The following MAP1B variants were observed in gnomAD, a reference collection of about 807,000 sequenced individuals.
The protein encoded by MAP1B is microtubule-associated protein 1B.
In MAP1B, 12 loss-of-function variants were observed where a neutral mutation model predicts 176.1. That is an observed-to-expected ratio of 0.07 (90% CI 0.04 to 0.11). The LOEUF (loss-of-function observed/expected upper bound fraction) is 0.11. MAP1B is among the 10% of genes least tolerant of loss of function. The pLI is 1.00. For synonymous variants in MAP1B, 1,044 were observed against 1,135.0 expected, an observed-to-expected ratio of 0.92 and a Z score of 1.61; for missense variants, 2,523 against 2,990.5, an observed-to-expected ratio of 0.84 and a Z score of 3.65.
At chr5:72,193,819 T>TA (rs1747082395) in intron 4 of MAP1B, 47 bp from the exon 5 acceptor site, 1 of 1,524,760 alleles carries the variant, frequency 6.6e-7, no homozygotes, top group African/African-American at 1.4e-5. Context: ...TCAGTGATGA[T>TA]AATCACTTAC....
rs1043368348 is a variant in MAP1B, at chr5:72,193,671, A to G, written c.511-195A>G. Among the ~76,000 whole-genome samples the G allele has an allele frequency of 3.3e-5, 5 of 152,266 alleles. No individual in the cohort carries two copies. The South Asian group carries it at 1.0e-3, about 32-fold the overall frequency. ...GAAGCCAGTAGCAGCGGGGCTCAGG[A>G]CAAAGGCTGTTCACCTTCCAGTAGG... On this transcript the variant is annotated intron_variant, in intron 4 of 6. Coordinates refer to ENST00000296755, the MANE Select transcript of MAP1B (RefSeq NM_005909.5).
chr5:72,195,893 A>G lies in MAP1B; in HGVS notation c.2538A>G (p.Glu846=). 1 of 1,614,228 alleles carries G rather than the reference A, an allele frequency of 6.2e-7. No homozygotes were observed. Among genetic ancestry groups the G allele is most frequent in the Non-Finnish European group, 8.5e-7 (1 of 1,180,038 alleles). The change falls in exon 5 of 7, where the codon GAA becomes GAG. Residue 846 remains glutamate (E), a synonymous_variant. Transcript: ENST00000296755. ...AGGACTTTGAAGAGTTAAAGGCTGA[A>G]GAGGTCGATGTAACAAAGGACATCA... ...LTKDFEELKA[E]EVDVTKDIKP...
intron 2 of MAP1B, among the ~76,000 whole-genome samples, chr5:72,165,724 A>G (rs1057480729): frequency 6.6e-6 from 1 of 152,220 alleles, no homozygotes; most frequent in Non-Finnish European, 1.5e-5. Flanking sequence ...CCATATAACC[A>G]TAAACATATT....
rs1311665088 is a variant in MAP1B, at chr5:72,138,611, A to G, written c.286+22812A>G. On this transcript the variant is annotated intron_variant, in intron 2 of 6. Transcript: ENST00000296755. ...TATTTCTCTATGTGAAAAACTGGAA[A>G]AAAACCTGAAGTTCTCAACAATAGG... 3.3e-5 allele frequency among the ~76,000 whole-genome samples: 5 copies of G among 152,348 alleles called. No homozygotes were observed. In the East Asian group the frequency reaches 9.6e-4, roughly 29 times the overall value.
Position 72,143,648 on chromosome 5 carries a change from A to G in MAP1B, c.286+27849A>G, listed in dbSNP as rs56004916. 8.7e-4 allele frequency among the ~76,000 whole-genome samples: 132 copies of G among 152,318 alleles called. 1 individual carries two copies. Among genetic ancestry groups the G allele is most frequent in the Middle Eastern group, 6.8e-3 (2 of 292 alleles). The stretch of plus-strand genomic sequence containing the variant: ...TCTATGTTAGTTCCCCAGGGCTGCC[A>G]TAACAAAGTATCATCAACTGGGTGG... On this transcript the variant is annotated intron_variant, in intron 2 of 6. Transcript: ENST00000296755.
At position 72,195,470 on chromosome 5, in the gene MAP1B, G is replaced by A. The variant is rs766902322; in HGVS notation, c.2115G>A (p.Pro705=). The change falls in exon 5 of 7, where the codon CCG becomes CCA. Residue 705 remains proline, a synonymous_variant. Transcript: ENST00000296755. ...EPKKEVKKET[P]PKEVKKEVKK... ...AGAAAGAGGTTAAGAAAGAAACACC[G>A]CCAAAGGAAGTCAAGAAGGAAGTTA... 3.9e-5 allele frequency: 62 copies of A among 1,586,846 alleles called. No homozygotes were observed. Among genetic ancestry groups the A allele is most frequent in the Admixed American group, 7.5e-5 (4 of 53,282 alleles).
At chr5:72,136,134 G>A (rs1161889955) in intron 2 of MAP1B, among the ~76,000 whole-genome samples, 2 of 152,144 alleles carry the variant, frequency 1.3e-5, no homozygotes, top group African/African-American at 4.8e-5. Context: ...GAGCACCTAG[G>A]TACTAAGTAA....
intron 2 of MAP1B, among the ~76,000 whole-genome samples, chr5:72,145,021 C>T (rs1746019613): frequency 6.6e-6 from 1 of 152,194 alleles, no homozygotes; most frequent in Admixed American, 6.5e-5. Context: ...GAATTATACT[C>T]TGTTTTGGTG....
intron 2 of MAP1B, among the ~76,000 whole-genome samples, chr5:72,140,452 A>G (rs952181747): frequency 1.3e-5 from 2 of 152,222 alleles, no homozygotes; most frequent in Non-Finnish European, 2.9e-5. Context: ...TGCTACAGTA[A>G]AGTATTGCAG....
At chr5:72,107,783 G>C in intron 1 of MAP1B, 68 bp downstream of exon 1, 1 of 1,531,120 alleles carries the variant, frequency 6.5e-7, no homozygotes, top group African/African-American at 1.4e-5. Context: ...CCCAGGGCGC[G>C]ACGGTCACTG....
Position 72,195,568 on chromosome 5 carries a change from A to G in MAP1B, c.2213A>G (p.Asp738Gly). The G allele has an allele frequency of 2.5e-6, 4 of 1,612,480 alleles. No homozygotes were observed. The highest frequency in any genetic ancestry group is 3.4e-6 in the Non-Finnish European group (4 of 1,179,656). The change falls in exon 5 of 7, where the codon GAC (aspartate) becomes GGC (glycine). Residue 738 changes from aspartate to glycine, a missense_variant. Coordinates refer to ENST00000296755, the MANE Select transcript of MAP1B (RefSeq NM_005909.5). The stretch of plus-strand genomic sequence containing the variant: ...AAAGAAATTAAGAAGCTCCCTAAAG[A>G]CGCAAAGAAATCATCTACTCCTCTG... ...PKKEIKKLPK[D>G]AKKSSTPLSE...
At chr5:72,117,801 G>A (rs1466344) in intron 2 of MAP1B, among the ~76,000 whole-genome samples, 20,020 of 152,170 alleles carry the variant, frequency 0.13, 1,433 homozygotes, top group East Asian at 0.32. Flanking sequence ...CTATGAGTAC[G>A]CTTTACAGGC....
intron 1 of MAP1B, among the ~76,000 whole-genome samples, chr5:72,110,453 G>A (rs918767913): frequency 6.6e-6 from 1 of 152,190 alleles, no homozygotes; most frequent in Non-Finnish European, 1.5e-5. Flanking sequence ...AGCGCTAAGT[G>A]AAAATCCTGC....
At chr5:72,128,267 C>T (rs1429999623) in intron 2 of MAP1B, among the ~76,000 whole-genome samples, 4 of 152,132 alleles carry the variant, frequency 2.6e-5, no homozygotes, top group Non-Finnish European at 5.9e-5. Flanking sequence ...GATTTCTTAT[C>T]ACTGAATCAT....
At chr5:72,141,166 G>A (rs1486914310) in intron 2 of MAP1B, among the ~76,000 whole-genome samples, 1 of 152,062 alleles carries the variant, frequency 6.6e-6, no homozygotes, top group Non-Finnish European at 1.5e-5. Flanking sequence ...ACATGTCCAC[G>A]CTTTACTCCT....
chr5:72,168,487 G>T (rs1438828424), intron 2 of MAP1B, among the ~76,000 whole-genome samples: 1 of 152,158 alleles, frequency 6.6e-6, no homozygotes, highest in South Asian at 2.1e-4. Flanking sequence ...TATATTCCAA[G>T]TGTATATAAA....
In MAP1B at chr5:72,197,135, T is replaced by C; in HGVS notation, c.3780T>C (p.Ser1260=). The part of the protein sequence containing the change: ...KVSPSKSPSL[S]PSPPSPLEKT... ...GCCCATCGAAGAGCCCGTCCCTGAG[T>C]CCATCTCCACCATCACCCTTAGAAA... Residue 1260 remains serine (S), a synonymous_variant, in exon 5 of 7, where the codon AGT becomes AGC. Coordinates refer to ENST00000296755, the MANE Select transcript of MAP1B (RefSeq NM_005909.5). The C allele has an allele frequency of 6.2e-7, 1 of 1,614,172 alleles. No individual in the cohort carries two copies. Among genetic ancestry groups the C allele is most frequent in the Non-Finnish European group, 8.5e-7 (1 of 1,180,026 alleles).
In MAP1B at chr5:72,205,143, T is replaced by G; in HGVS notation, c.7311T>G (p.His2437Gln). The change falls in exon 7 of 7, where the codon CAT becomes CAG. Residue 2437 changes from histidine (H) to glutamine (Q), a missense_variant. His to Gln is a conservative substitution (Grantham distance 24). Around this residue, in one of 4 missense-constraint regions of MAP1B, gnomAD observed 287 missense variants for 401.5 expected, o/e 0.71. Transcript: ENST00000296755. ...EVMREWYQET[H>Q]EKQQDLNIMV... is the part of the protein sequence containing the mutation. ...TGAGGGAATGGTACCAGGAGACCCA[T>G]GAGAAACAGCAAGATCTCAACATCA... The G allele has an allele frequency of 6.2e-7, 1 of 1,613,882 alleles. No individual in the cohort carries two copies. The highest frequency in any genetic ancestry group is 8.5e-7 in the Non-Finnish European group (1 of 1,179,898).
chr5:72,194,819 G>C lies in MAP1B; in HGVS notation c.1464G>C (p.Leu488=). The part of the protein sequence containing the change: ...ANPAEKIIRV[L]FPGNSTQYNI... ...CTGCGGAGAAAATCATCCGAGTCCT[G>C]TTTCCTGGGAACAGCACCCAGTACA... Residue 488 remains leucine, a synonymous_variant, in exon 5 of 7, where the codon CTG becomes CTC. Coordinates refer to ENST00000296755, the MANE Select transcript of MAP1B (RefSeq NM_005909.5). The surrounding 1 kb of genome is among the most constrained non-coding windows in gnomAD (Gnocchi z 7.2). The C allele has an allele frequency of 6.2e-7, 1 of 1,614,164 alleles. No homozygotes were observed. The highest frequency in any genetic ancestry group is 1.3e-5 in the African/African-American group (1 of 75,030).
Sources: gnomAD v4.1 joint callset for allele counts (sites outside exome capture counted in the v4.1 genomes callset) on GRCh38, gnomAD v4.1.1 for gene constraint, gnomAD v4.1.1 regional missense constraint, Gnocchi (gnomAD v3.1) non-coding constraint, MANE v1.5 for transcripts, NCBI Gene and HGNC (gene_info 2026-07-23, HGNC 2026-07-21) for gene names.